The following BAZ2B variants were observed in gnomAD, a reference collection of about 807,000 sequenced individuals.
The protein encoded by BAZ2B is bromodomain adjacent to zinc finger domain 2B.
In BAZ2B, 91 loss-of-function variants were observed where a neutral mutation model predicts 246.0. The observed-to-expected ratio is 0.37, with a 90% CI of 0.31 to 0.44. BAZ2B has a LOEUF of 0.44. Ranked by LOEUF, BAZ2B falls within the 20% of genes least tolerant of loss-of-function variation. The pLI, the probability that BAZ2B is intolerant of heterozygous loss-of-function variation, is 1.00. For missense variants in BAZ2B, 2,332 were observed against 2,533.7 expected (o/e 0.92, Z 1.71); for synonymous variants, 855 against 860.0 (o/e 0.99, Z 0.10).
the BAZ2B span, among the ~76,000 whole-genome samples, chr2:159,681,523 G>T: frequency 6.6e-6 from 1 of 151,638 alleles, no homozygotes; most frequent in Non-Finnish European, 1.5e-5. Flanking sequence ...AACCTTAACA[G>T]ATCTGATAAA....
chr2:159,385,530 C>G (rs1480132160), intron 22 of BAZ2B, among the ~76,000 whole-genome samples, 161 bp from the exon 23 acceptor site: 1 of 151,756 alleles, frequency 6.6e-6, no homozygotes, highest in African/African-American at 2.4e-5. Flanking sequence ...CAATAGAAGA[C>G]AGACAAATAT....
intron 1 of BAZ2B, among the ~76,000 whole-genome samples, chr2:159,567,863 T>C (rs1467792257): frequency 6.6e-6 from 1 of 152,096 alleles, no homozygotes; most frequent in Non-Finnish European, 1.5e-5. Flanking sequence ...TCCCAGCTAC[T>C]CGGGAGGCTG....
the BAZ2B span, among the ~76,000 whole-genome samples, chr2:159,630,792 C>T: frequency 6.6e-6 from 1 of 152,174 alleles, no homozygotes; most frequent in African/African-American, 2.4e-5. Flanking sequence ...CCTCGGCCTC[C>T]CAAAGTGCTG....
intron 16 of BAZ2B, among the ~76,000 whole-genome samples, chr2:159,401,641 G>A (rs2065084353): frequency 6.6e-6 from 1 of 151,996 alleles, no homozygotes; most frequent in South Asian, 2.1e-4. Context: ...ATTATCTGTA[G>A]GACATAATTG....
intron 4 of BAZ2B, among the ~76,000 whole-genome samples, chr2:159,449,371 T>C (rs2074717857): frequency 6.6e-6 from 1 of 152,144 alleles, no homozygotes; most frequent in South Asian, 2.1e-4. Context: ...GTATTTTTCA[T>C]TGACTGTGAC....
intron 12 of BAZ2B, 83 bp from the exon 13 acceptor site, chr2:159,428,125 T>C (rs1480851749): frequency 6.8e-6 from 9 of 1,315,048 alleles, no homozygotes; most frequent in Non-Finnish European, 9.8e-6. Context: ...AGGACACTAA[T>C]GTTTTGCATA....
Position 159,320,331 on chromosome 2 carries a change from G to C in BAZ2B, c.6441C>G (p.Gly2147=). 6.3e-7 allele frequency: 1 copy of C among 1,581,826 alleles called. No individual in the cohort carries two copies. Among genetic ancestry groups the C allele is most frequent in the Non-Finnish European group, 8.5e-7 (1 of 1,171,676 alleles). ...ACTTCCTCATATTGTGGCCAGCTCT[G>C]CCTATATCAGAATCATCTTCATTAA... is the stretch of plus-strand genomic sequence containing the variant. ...ETFNEDDSDI[G]RAGHNMRKYF... is the part of the protein sequence containing the mutation. Residue 2147 remains glycine, a synonymous_variant, in exon 37 of 37, where the codon GGC becomes GGG. Transcript: ENST00000392783.
At chr2:159,460,311 T>C (rs1055843931) in intron 3 of BAZ2B, 3 of 152,070 alleles carry the variant, frequency 2.0e-5, no homozygotes, top group African/African-American at 7.2e-5. Context: ...AAACTACCAG[T>C]GAACAAAATC....
chr2:159,426,161 G>A (rs1480157630), intron 13 of BAZ2B, among the ~76,000 whole-genome samples: 1 of 152,138 alleles, frequency 6.6e-6, no homozygotes, highest in Non-Finnish European at 1.5e-5. Context: ...CAACAAGACA[G>A]TATGCATTTG....
At chr2:159,662,692 T>TC in the BAZ2B span, among the ~76,000 whole-genome samples, 1 of 144,310 alleles carries the variant, frequency 6.9e-6, no homozygotes, top group Non-Finnish European at 1.5e-5. Context: ...GCCCGGCTAA[T>TC]TTTTTTTTTT....
chr2:159,320,170 T>C lies in BAZ2B; in HGVS notation c.*95A>G, dbSNP rs1240060718. 1 of 1,091,952 alleles carries C rather than the reference T, an allele frequency of 9.2e-7. No homozygotes were observed. Among genetic ancestry groups the C allele is most frequent in the Non-Finnish European group, 1.2e-6 (1 of 821,092 alleles). 67.6% of individuals were successfully genotyped at this position (1,091,952 alleles called of 1,614,324 possible). A position where few individuals can be genotyped will look rare whatever the true frequency, so the allele number is the denominator to read the frequency against. On this transcript the variant is annotated 3_prime_UTR_variant, in exon 37 of 37. Coordinates refer to ENST00000392783, the MANE Select transcript of BAZ2B (RefSeq NM_013450.4). ...TACTTAAGGAAAAAGAAAGTCATTA[T>C]GTATGTGCCTTGCACGTTTATGTAA...
the BAZ2B span, chr2:159,689,435 G>A: frequency 5.3e-3 from 1,233 of 234,300 alleles, 21 homozygotes; most frequent in African/African-American, 0.028. Flanking sequence ...GCAGTGGCAC[G>A]ATCTCGGCTC....
At chr2:159,401,820 T>A (rs1254562279) in intron 16 of BAZ2B, among the ~76,000 whole-genome samples, 1 of 152,166 alleles carries the variant, frequency 6.6e-6, no homozygotes, top group Non-Finnish European at 1.5e-5. Flanking sequence ...AAGTCCCAAA[T>A]TGGCACTGAT....
intron 2 of BAZ2B, among the ~76,000 whole-genome samples, chr2:159,511,982 G>A (rs1412947065): frequency 6.6e-6 from 1 of 151,934 alleles, no homozygotes; most frequent in Non-Finnish European, 1.5e-5. Context: ...TTGTTCCTTT[G>A]AAAAAATAGC....
chr2:159,322,739 C>T (rs757193517), intron 36 of BAZ2B, among the ~76,000 whole-genome samples: 79 of 152,116 alleles, frequency 5.2e-4, no homozygotes, highest in Non-Finnish European at 1.0e-3. Flanking sequence ...GTAGGCCCCT[C>T]CCTCTATTCT....
intron 1 of BAZ2B, among the ~76,000 whole-genome samples, chr2:159,594,494 A>G (rs561186518): frequency 6.6e-6 from 1 of 152,376 alleles, no homozygotes; most frequent in Non-Finnish European, 1.5e-5. Flanking sequence ...ATCTTTGGCA[A>G]ATGGGACTAA....
chr2:159,444,029 T>A (rs1326209277), intron 6 of BAZ2B: 2 of 152,080 alleles, frequency 1.3e-5, no homozygotes, highest in East Asian at 3.8e-4. Context: ...GAAGCACATA[T>A]AAAAATGCAT....
chr2:159,600,586 C>T (rs1691907083), intron 1 of BAZ2B, among the ~76,000 whole-genome samples: 1 of 152,152 alleles, frequency 6.6e-6, no homozygotes, highest in Admixed American at 6.5e-5. Context: ...ATCCACCAAA[C>T]AGGACAAAAA....
At chr2:159,400,074 A>G (rs1372188348) in intron 17 of BAZ2B, among the ~76,000 whole-genome samples, 1 of 152,048 alleles carries the variant, frequency 6.6e-6, no homozygotes, top group East Asian at 1.9e-4. Flanking sequence ...GTTTTCCTGT[A>G]TTTTTTCTTT....
Sources: allele counts gnomAD v4.1 joint callset (sites outside exome capture counted in the v4.1 genomes callset), GRCh38; gene constraint gnomAD v4.1.1; transcripts MANE v1.5; gene names NCBI Gene and HGNC (gene_info 2026-07-23, HGNC 2026-07-21).